ADAMTS19: variants seen among roughly 807,000 people sequenced by gnomAD.
ADAMTS19 encodes A disintegrin and metalloproteinase with thrombospondin motifs 19.
Under a neutral mutation model 153.3 loss-of-function variants are expected in ADAMTS19, and 93 were observed. The ratio of observed to expected loss-of-function variants is 0.61; its 90% confidence interval spans 0.51 to 0.72. The LOEUF is 0.72. Ranked by LOEUF, ADAMTS19 falls within the 30% of genes least tolerant of loss-of-function variation. ADAMTS19 has a pLI of 0.00. For missense variants in ADAMTS19, 1,482 were observed against 1,552.1 expected (o/e 0.95, Z 0.76); for synonymous variants, 600 against 556.6 (o/e 1.08, Z -1.10).
chr5:129,639,928 A>C (rs1752718216), intron 10 of ADAMTS19, among the ~76,000 whole-genome samples: 1 of 152,190 alleles, frequency 6.6e-6, no homozygotes, highest in Admixed American at 6.5e-5. Flanking sequence ...CCACAAAAGT[A>C]CATGAAAAAC....
intron 2 of ADAMTS19, among the ~76,000 whole-genome samples, chr5:129,491,742 T>C (rs768953890): frequency 9.9e-5 from 15 of 152,212 alleles, no homozygotes; most frequent in Non-Finnish European, 1.5e-4. Flanking sequence ...GTTTTTCTTC[T>C]CCAAAGTCAT....
intron 8 of ADAMTS19, among the ~76,000 whole-genome samples, chr5:129,618,218 T>C (rs1304698569): frequency 1.3e-5 from 2 of 152,078 alleles, no homozygotes; most frequent in Non-Finnish European, 2.9e-5. Flanking sequence ...CTCTTATTTT[T>C]CCTCTTTATC....
rs566379571 is a variant in ADAMTS19, at chr5:129,617,831, C to T, written c.1479-2787C>T. The stretch of plus-strand genomic sequence containing the variant: ...GGTTTTTCTGAAGGGCACACTTTCA[C>T]CAAAGAAAGCAAAATACAGCAAAGT... On this transcript the variant is annotated intron_variant, in intron 8 of 22. Transcript: ENST00000274487. Among the ~76,000 whole-genome samples, 3 of 151,962 alleles carry T rather than the reference C, an allele frequency of 2.0e-5. No homozygotes were observed. The South Asian group carries it at 6.2e-4, about 32-fold the overall frequency.
intron 11 of ADAMTS19, 34 bp downstream of exon 11, chr5:129,641,994 A>G (rs1752811677): frequency 7.4e-7 from 1 of 1,344,234 alleles, no homozygotes; most frequent in African/African-American, 1.5e-5. Context: ...TTTAATGAGC[A>G]TACTAGATGA....
chr5:129,519,822 T>C (rs973686188), intron 3 of ADAMTS19, among the ~76,000 whole-genome samples: 2 of 152,138 alleles, frequency 1.3e-5, no homozygotes, highest in Non-Finnish European at 2.9e-5. Context: ...TCTTCTTGAT[T>C]TCCGTCTAAC....
At chr5:129,600,623 T>C (rs1750600907) in intron 8 of ADAMTS19, among the ~76,000 whole-genome samples, 1 of 152,124 alleles carries the variant, frequency 6.6e-6, no homozygotes, top group Admixed American at 6.5e-5. Context: ...CTCTTGGGGA[T>C]GAAAATTTGA....
intron 8 of ADAMTS19, among the ~76,000 whole-genome samples, 167 bp downstream of exon 8, chr5:129,596,831 A>C (rs1335151505): frequency 6.6e-6 from 1 of 152,162 alleles, no homozygotes; most frequent in East Asian, 1.9e-4. Flanking sequence ...ATGTCTTTTG[A>C]GTGTTGCAAC....
chr5:129,500,063 T>C (rs73787529), intron 2 of ADAMTS19, among the ~76,000 whole-genome samples: 1,988 of 152,288 alleles, frequency 0.013, 40 homozygotes, highest in African/African-American at 0.045. Context: ...CTGGTAAATT[T>C]AGTCACAAAA....
chr5:129,701,262 T>C lies in ADAMTS19; in HGVS notation c.2955-126T>C, dbSNP rs1169535144. On this transcript the variant is annotated intron_variant, in intron 19 of 22. Coordinates refer to ENST00000274487, the MANE Select transcript of ADAMTS19 (RefSeq NM_133638.6). ...CCCCAGCCACATGGAACTGTGTCAATTGGACCTCTTTCCTTTGTAAATTGC... is the reference window on the plus strand; with the variant it reads ...CCCCAGCCACATGGAACTGTGTCAACTGGACCTCTTTCCTTTGTAAATTGC... 7.7e-6 allele frequency: 8 copies of C among 1,036,296 alleles called. No individual in the cohort carries two copies. The East Asian group carries it at 1.2e-4, about 16-fold the overall frequency. The allele number at this position is 1,036,296 out of a possible 1,614,324, so 64.2% of individuals were successfully genotyped here.
chr5:129,697,081 T>A (rs1436766222), intron 19 of ADAMTS19, among the ~76,000 whole-genome samples: 1 of 152,086 alleles, frequency 6.6e-6, no homozygotes, highest in Non-Finnish European at 1.5e-5. Flanking sequence ...GGTAAAATAG[T>A]TTGGTTTCTT....
chr5:129,625,916 C>T (rs1337577808), intron 10 of ADAMTS19, among the ~76,000 whole-genome samples: 1 of 152,074 alleles, frequency 6.6e-6, no homozygotes, highest in Non-Finnish European at 1.5e-5. Context: ...GAAGTCCTTG[C>T]CCATGCCTAT....
At chr5:129,719,157 C>A (rs1436013586) in intron 21 of ADAMTS19, among the ~76,000 whole-genome samples, 2 of 151,802 alleles carry the variant, frequency 1.3e-5, no homozygotes, top group African/African-American at 2.4e-5. Context: ...TAAATAAACA[C>A]CTTAGAGTGA....
At chr5:129,559,658 T>C (rs1267102127) in intron 7 of ADAMTS19, among the ~76,000 whole-genome samples, 1 of 152,166 alleles carries the variant, frequency 6.6e-6, no homozygotes, top group African/African-American at 2.4e-5. Context: ...ACATACACCT[T>C]AGAGAATCCT....
chr5:129,582,276 C>T (rs1358929378), intron 7 of ADAMTS19, among the ~76,000 whole-genome samples: 2 of 150,982 alleles, frequency 1.3e-5, no homozygotes, highest in African/African-American at 4.9e-5. Context: ...AATCTGGGTG[C>T]TCCTGTATTG....
intron 7 of ADAMTS19, among the ~76,000 whole-genome samples, chr5:129,576,006 T>C (rs560563334): frequency 6.6e-6 from 1 of 151,438 alleles, no homozygotes; most frequent in South Asian, 2.1e-4. Flanking sequence ...TTTAACATTC[T>C]TCCTTCCATA....
At chr5:129,653,714 T>A (rs2127054152) in intron 13 of ADAMTS19, among the ~76,000 whole-genome samples, 1 of 152,316 alleles carries the variant, frequency 6.6e-6, no homozygotes, top group Admixed American at 6.5e-5. Context: ...ACAGAAATGT[T>A]TTTTACAAAT....
In ADAMTS19 at chr5:129,592,943, T is replaced by G. The variant is rs1274454999; in HGVS notation, c.1373-3616T>G. On this transcript the variant is annotated intron_variant, in intron 7 of 22. Coordinates refer to ENST00000274487, the MANE Select transcript of ADAMTS19 (RefSeq NM_133638.6). Reference sequence around the variant, plus strand: ...AGTATGCACTCATCGTTTTTGAATATTTTATATTTTATATACATTTACATT... The same window carrying G: ...AGTATGCACTCATCGTTTTTGAATAGTTTATATTTTATATACATTTACATT... Among the ~76,000 whole-genome samples, 7 of 152,290 alleles carry G rather than the reference T, an allele frequency of 4.6e-5. No homozygotes were observed. The East Asian group carries it at 1.4e-3, about 29-fold the overall frequency.
At chr5:129,549,540 A>T (rs889073519) in intron 6 of ADAMTS19, among the ~76,000 whole-genome samples, 15 of 151,798 alleles carry the variant, frequency 9.9e-5, no homozygotes, top group Admixed American at 5.3e-4. Context: ...CTTAATAAAC[A>T]ATAAACTTTG....
intron 10 of ADAMTS19, among the ~76,000 whole-genome samples, chr5:129,635,830 C>A (rs183332937): frequency 1.8e-3 from 281 of 152,180 alleles, no homozygotes; most frequent in Middle Eastern, 0.01. Context: ...ATACATCATA[C>A]CCCCATGACA....
Sources: gnomAD v4.1 joint callset for allele counts (sites outside exome capture counted in the v4.1 genomes callset) on GRCh38, gnomAD v4.1.1 for gene constraint, MANE v1.5 for transcripts, NCBI Gene and HGNC (gene_info 2026-07-23, HGNC 2026-07-21) for gene names.